NUP153: variants seen among roughly 807,000 people sequenced by gnomAD.
The protein encoded by NUP153 is nucleoporin 153.
Under a neutral mutation model 134.6 loss-of-function variants are expected in NUP153, and 27 were observed. That is an observed-to-expected ratio of 0.20 (90% CI 0.15 to 0.28). NUP153 has a LOEUF of 0.28. NUP153 is among the 10% of genes least tolerant of loss of function. The probability of loss-of-function intolerance (pLI) is 1.00; values close to 1 mark genes in which losing one functional copy is unlikely to be tolerated. For synonymous variants in NUP153, 640 were observed against 623.5 expected (o/e 1.03, Z -0.40); for missense variants, 1,821 against 1,731.3 (o/e 1.05, Z -0.92).
In NUP153 at chr6:17,705,146, ATAAAG is replaced by A. The variant is rs1451908445; in HGVS notation, c.111+1126_111+1130del. ...TGTGTAATCTTTATTAGCATCCAGA[ATAAAG>A]TAATCTAGGAAGTCTACCTTTAACA... On this transcript the variant is annotated intron_variant, in intron 1 of 21. Transcript: ENST00000262077. Among the ~76,000 whole-genome samples, 23 of 152,386 alleles carry A rather than the reference ATAAAG, an allele frequency of 1.5e-4. No homozygotes were observed. In the South Asian group the frequency reaches 1.7e-3, roughly 11 times the overall value.
Position 17,667,880 on chromosome 6 carries a change from T to C in NUP153, c.1068+1095A>G, listed in dbSNP as rs373316698. ...AAGTTAATTTTAAGCAAATAGGATATATTAAAAGGGCAGCAAGATATAATG... is the reference window on the plus strand; with the variant it reads ...AAGTTAATTTTAAGCAAATAGGATACATTAAAAGGGCAGCAAGATATAATG... On this transcript the variant is annotated intron_variant, in intron 8 of 21. Transcript: ENST00000262077. 1.3e-3 allele frequency among the ~76,000 whole-genome samples: 197 copies of C among 152,224 alleles called. 1 individual carries two copies. The South Asian group carries it at 0.023, about 17-fold the overall frequency.
chr6:17,667,271 C>T (rs559473897), intron 8 of NUP153, among the ~76,000 whole-genome samples: 59 of 152,256 alleles, frequency 3.9e-4, no homozygotes, highest in African/African-American at 1.4e-3. Flanking sequence ...CAACACTCTT[C>T]CAATAAAAAG....
At chr6:17,631,936 G>A (rs1456150545) in intron 17 of NUP153, among the ~76,000 whole-genome samples, 9 of 150,868 alleles carry the variant, frequency 6.0e-5, no homozygotes, top group East Asian at 5.9e-4. Flanking sequence ...ACTGCACTCC[G>A]GCCTGGGCGA....
chr6:17,660,274 C>A (rs1447403771), intron 11 of NUP153, among the ~76,000 whole-genome samples: 1 of 152,088 alleles, frequency 6.6e-6, no homozygotes, highest in Non-Finnish European at 1.5e-5. Context: ...AAAATATACT[C>A]CTAAAACTCA....
At chr6:17,665,149 T>C (rs1340320549) in intron 9 of NUP153, 90 bp downstream of exon 9, 2 of 946,226 alleles carry the variant, frequency 2.1e-6, no homozygotes, top group African/African-American at 3.3e-5. Flanking sequence ...ATACAGTTGC[T>C]AGAATACAAT....
rs1249955967 is a variant in NUP153 at position 17,649,215 on chromosome 6, A to G, written c.1481T>C (p.Ile494Thr). ...GATGGGTGATGGAGAGGAAGTTGTG[A>G]TCTCAGGGGAACTAAAATTAAAGGT... ...LPTFNFSSPE[I>T]TTSSPSPINS... Residue 494 changes from isoleucine (I) to threonine (T), a missense_variant, in exon 12 of 22, where the codon ATC (isoleucine) becomes ACC (threonine). Transcript: ENST00000262077. The G allele has an allele frequency of 1.2e-6, 2 of 1,613,984 alleles. No homozygotes were observed. The highest frequency in any genetic ancestry group is 3.3e-5 in the Admixed American group (2 of 60,000).
At position 17,675,099 on chromosome 6, in the gene NUP153, T is replaced by C; in HGVS notation, c.724-66A>G. 6.3e-7 allele frequency: 1 copy of C among 1,584,350 alleles called. No homozygotes were observed. The highest frequency in any genetic ancestry group is 1.1e-5 in the South Asian group (1 of 88,734). ...CCAGGAGGTGGAGGTTGCAGTGAGT[T>C]AAGATCATGCTGCTACACACTCAAG... On this transcript the variant is annotated intron_variant, in intron 4 of 21. Coordinates refer to ENST00000262077, the MANE Select transcript of NUP153 (RefSeq NM_005124.4). This position sits in a 1 kb window ranked among gnomAD's most constrained non-coding sequence, Gnocchi z 4.4.
chr6:17,661,909 AT>A, intron 10 of NUP153, 108 bp downstream of exon 10: 1 of 1,288,156 alleles, frequency 7.8e-7, no homozygotes, highest in Non-Finnish European at 1.1e-6. Flanking sequence ...ATTTCTTTAT[AT>A]AAAGTTTCTG....
intron 1 of NUP153, among the ~76,000 whole-genome samples, chr6:17,692,303 C>T (rs1224632402): frequency 6.6e-6 from 1 of 152,178 alleles, no homozygotes; most frequent in East Asian, 1.9e-4. Flanking sequence ...AACAGTGAGA[C>T]AGAGACATTA....
In NUP153 at chr6:17,688,419, T is replaced by C; in HGVS notation, c.311A>G (p.Glu104Gly). The C allele has an allele frequency of 6.2e-7, 1 of 1,613,906 alleles. No individual in the cohort carries two copies. The highest frequency in any genetic ancestry group is 8.5e-7 in the Non-Finnish European group (1 of 1,179,764). Residue 104 changes from glutamate (E) to glycine (G), a missense_variant, in exon 2 of 22, where the codon GAG (glutamate) becomes GGG (glycine). Coordinates refer to ENST00000262077, the MANE Select transcript of NUP153 (RefSeq NM_005124.4). The part of the protein sequence containing the change: ...SNITDGRITP[E>G]PAVSNTEEPS... ...ACCTTCTGTATTACTGACTGCTGGC[T>C]CAGGTGTGATTCTCCCATCAGTAAT...
intron 16 of NUP153, among the ~76,000 whole-genome samples, chr6:17,635,405 G>A (rs532940562): frequency 1.8e-4 from 28 of 151,774 alleles, no homozygotes; most frequent in East Asian, 1.8e-3. Context: ...CACCGCACCC[G>A]GCCTATCATT....
chr6:17,668,966 A>C lies in NUP153; in HGVS notation c.1068+9T>G. On this transcript the variant is annotated intron_variant, in intron 8 of 21. Transcript: ENST00000262077. ...CAGTTTAAATAACTAAATGCTAAAG[A>C]AGTTTTACCTTTTCTCTTTTGGCCT... 1 of 1,547,480 alleles carries C rather than the reference A, an allele frequency of 6.5e-7. No individual in the cohort carries two copies. Among genetic ancestry groups the C allele is most frequent in the Non-Finnish European group, 8.7e-7 (1 of 1,145,242 alleles).
rs150756309 is a variant in NUP153 at position 17,625,529 on chromosome 6, C to T, written c.3901+279G>A. Among the ~76,000 whole-genome samples, 68 of 151,956 alleles carry T rather than the reference C, an allele frequency of 4.5e-4. No homozygotes were observed. The highest frequency in any genetic ancestry group is 6.9e-4 in the Non-Finnish European group (47 of 67,994). On this transcript the variant is annotated intron_variant, in intron 19 of 21. Transcript: ENST00000262077. The surrounding 1 kb of genome is among the most constrained non-coding windows in gnomAD (Gnocchi z 4.7). ...TGGGTGACAGAGCAAGACTCCGTCT[C>T]GAAAGAAAACAAAAACAAAAAACAA...
chr6:17,683,378 C>T (rs1347413754), intron 2 of NUP153, among the ~76,000 whole-genome samples: 2 of 152,166 alleles, frequency 1.3e-5, no homozygotes, highest in Non-Finnish European at 2.9e-5. Flanking sequence ...AGTCAAAATG[C>T]CTCCTTGATC....
intron 1 of NUP153, among the ~76,000 whole-genome samples, chr6:17,699,503 T>C (rs1027307172): frequency 8.2e-6 from 1 of 122,336 alleles, no homozygotes. Context: ...AAAAAGAAAA[T>C]ACAAGATAAT....
rs11428582 is a variant in NUP153, at chr6:17,678,352, C to CAAAAAAAAAAAAAA, written c.335-2596_335-2583dup. Among the ~76,000 whole-genome samples, 231 of 68,208 alleles carry CAAAAAAAAAAAAAA rather than the reference C, an allele frequency of 3.4e-3. 14 individuals are homozygous for CAAAAAAAAAAAAAA. Among genetic ancestry groups the CAAAAAAAAAAAAAA allele is most frequent in the African/African-American group, 0.014 (214 of 15,698 alleles). 44.7% of individuals were successfully genotyped at this position (68,208 alleles called of 152,430 possible). A position where few individuals can be genotyped will look rare whatever the true frequency, so the allele number is the denominator to read the frequency against. On this transcript the variant is annotated intron_variant, in intron 2 of 21. Transcript: ENST00000262077. ...GCCTGGTTGACAGAACCCTCTGTCTCAAAAAAAAAAAAAAAAAAAAAAAGA... is the reference window on the plus strand; with the variant it reads ...GCCTGGTTGACAGAACCCTCTGTCTCAAAAAAAAAAAAAAAAAAAAAAAAAAAAAAAAAAAAAGA...
intron 1 of NUP153, among the ~76,000 whole-genome samples, chr6:17,688,819 C>T (rs1769105406): frequency 6.6e-6 from 1 of 151,988 alleles, no homozygotes; most frequent in African/African-American, 2.4e-5. Context: ...TATATGCATA[C>T]ATAAGGCAAT....
Position 17,625,314 on chromosome 6 carries a change from A to C in NUP153, c.3902-481T>G, listed in dbSNP as rs1291366653. Among the ~76,000 whole-genome samples, 1 of 152,148 alleles carries C rather than the reference A, an allele frequency of 6.6e-6. No homozygotes were observed. Among genetic ancestry groups the C allele is most frequent in the African/African-American group, 2.4e-5 (1 of 41,434 alleles). Reference sequence around the variant, plus strand: ...CACTTTGAAAGGCCGAGGCGGGCAAATCATGAGGTCAGGAATTCGAGCCTG... The same window carrying C: ...CACTTTGAAAGGCCGAGGCGGGCAACTCATGAGGTCAGGAATTCGAGCCTG... On this transcript the variant is annotated intron_variant, in intron 19 of 21. Transcript: ENST00000262077. The surrounding 1 kb of genome is among the most constrained non-coding windows in gnomAD (Gnocchi z 4.7).
chr6:17,657,993 T>C (rs551690051), intron 11 of NUP153, among the ~76,000 whole-genome samples: 2 of 152,374 alleles, frequency 1.3e-5, no homozygotes, highest in East Asian at 3.9e-4. Flanking sequence ...CGAGCGATTT[T>C]CTTATTCGAG....
Sources: gnomAD v4.1 joint callset for allele counts (sites outside exome capture counted in the v4.1 genomes callset) on GRCh38, gnomAD v4.1.1 for gene constraint, Gnocchi (gnomAD v3.1) non-coding constraint, MANE v1.5 for transcripts, NCBI Gene and HGNC (gene_info 2026-07-23, HGNC 2026-07-21) for gene names.